Variants in CA10 observed in about 807,000 individuals in gnomAD.
CA10 encodes carbonic anhydrase-related protein 10.
In CA10, 14 loss-of-function variants were observed where a neutral mutation model predicts 44.2. That is an observed-to-expected ratio of 0.32 (90% CI 0.21 to 0.50). The LOEUF (loss-of-function observed/expected upper bound fraction) is 0.50. CA10 is among the 20% of genes least tolerant of loss of function. The pLI is 0.99. For missense variants in CA10, 350 were observed against 409.7 expected, an observed-to-expected ratio of 0.85 and a Z score of 1.26; for synonymous variants, 159 against 141.6, an observed-to-expected ratio of 1.12 and a Z score of -0.87.
intron 3 of CA10, among the ~76,000 whole-genome samples, chr17:51,929,498 C>T (rs936672533): frequency 2.0e-5 from 3 of 152,120 alleles, no homozygotes; most frequent in African/African-American, 7.2e-5. Flanking sequence ...TACCTTTCAG[C>T]TGCATTCTGG....
intron 3 of CA10, among the ~76,000 whole-genome samples, chr17:51,872,166 C>T (rs1979848261): frequency 6.6e-6 from 1 of 152,178 alleles, no homozygotes; most frequent in African/African-American, 2.4e-5. Context: ...TTCTGCAGTG[C>T]CTGTGCTCCC....
At chr17:51,751,629 G>A (rs928603104) in intron 3 of CA10, among the ~76,000 whole-genome samples, 1 of 152,142 alleles carries the variant, frequency 6.6e-6, no homozygotes, top group Non-Finnish European at 1.5e-5. Flanking sequence ...CCAGAGCCTG[G>A]TGGAATATAA....
chr17:51,911,612 G>T (rs1981793199), intron 3 of CA10, among the ~76,000 whole-genome samples: 1 of 152,136 alleles, frequency 6.6e-6, no homozygotes, highest in Non-Finnish European at 1.5e-5. Context: ...AAAAGAATGA[G>T]ACAGAATAGT....
chr17:51,870,366 A>G (rs1979746941), intron 3 of CA10, among the ~76,000 whole-genome samples: 1 of 152,228 alleles, frequency 6.6e-6, no homozygotes, highest in African/African-American at 2.4e-5. Context: ...TCACACTCTA[A>G]AGTGACTTGA....
At chr17:51,951,689 C>A (rs1163797933) in intron 2 of CA10, among the ~76,000 whole-genome samples, 3 of 152,164 alleles carry the variant, frequency 2.0e-5, no homozygotes, top group African/African-American at 7.2e-5. Flanking sequence ...ATTGGAAAAA[C>A]CAGATTATTT....
At chr17:52,096,322 A>G (rs1041853682) in intron 1 of CA10, among the ~76,000 whole-genome samples, 3 of 152,180 alleles carry the variant, frequency 2.0e-5, no homozygotes, top group Admixed American at 6.5e-5. Context: ...TGTCAGGAAG[A>G]AGGAGTCTCA....
intron 1 of CA10, chr17:52,135,167 A>C: frequency 2.8e-6 from 1 of 357,072 alleles, no homozygotes; most frequent in Non-Finnish European, 5.6e-6. Flanking sequence ...ATGAGAGGTC[A>C]GACATGCCTC....
chr17:51,902,887 A>G (rs1981380086), intron 3 of CA10, among the ~76,000 whole-genome samples: 1 of 152,154 alleles, frequency 6.6e-6, no homozygotes, highest in African/African-American at 2.4e-5. Context: ...TCAAATCTAG[A>G]AGTATAACAC....
chr17:52,134,940 G>A, intron 1 of CA10: 1 of 518,968 alleles, frequency 1.9e-6, no homozygotes. Flanking sequence ...ATCCTGAACG[G>A]CTCCTGATGC....
intron 4 of CA10, among the ~76,000 whole-genome samples, chr17:51,680,319 T>A (rs1024667993): frequency 6.6e-6 from 1 of 152,270 alleles, no homozygotes. Context: ...TGACTACAGA[T>A]CTCAGTGTCG....
rs185647830 is a variant in CA10 at position 52,143,288 on chromosome 17, A to G, written c.61+14438T>C. 2.6e-5 allele frequency among the ~76,000 whole-genome samples: 4 copies of G among 152,306 alleles called. No homozygotes were observed. In the East Asian group the frequency reaches 7.7e-4, roughly 29 times the overall value. The stretch of plus-strand genomic sequence containing the variant: ...TGAACACAAACCATATATTTATCTG[A>G]CATGAATTTTTGGCCACACACAATA... On this transcript the variant is annotated intron_variant, in intron 1 of 8. Transcript: ENST00000451037.
intron 2 of CA10, among the ~76,000 whole-genome samples, chr17:52,066,159 A>G (rs905476110): frequency 6.6e-6 from 1 of 152,212 alleles, no homozygotes; most frequent in Non-Finnish European, 1.5e-5. Context: ...GTAAATTGGT[A>G]TCACAGAGAA....
intron 3 of CA10, among the ~76,000 whole-genome samples, chr17:51,758,359 C>T (rs1905131090): frequency 6.6e-6 from 1 of 152,246 alleles, no homozygotes; most frequent in Non-Finnish European, 1.5e-5. Context: ...TGAAGCATCT[C>T]TTCAACTTGA....
chr17:52,072,587 TA>T (rs1473377455), intron 1 of CA10, among the ~76,000 whole-genome samples, 194 bp from the exon 2 acceptor site: 1 of 151,814 alleles, frequency 6.6e-6, no homozygotes, highest in Non-Finnish European at 1.5e-5. Flanking sequence ...AAAACATTTT[TA>T]TTGAAAGTTC....
At chr17:51,905,784 T>C (rs955323780) in intron 3 of CA10, among the ~76,000 whole-genome samples, 4 of 152,104 alleles carry the variant, frequency 2.6e-5, no homozygotes, top group Non-Finnish European at 5.9e-5. Flanking sequence ...CTAGCTATTT[T>C]ATTATCTGCC....
intron 2 of CA10, among the ~76,000 whole-genome samples, chr17:52,003,033 G>T (rs368019444): frequency 6.6e-6 from 1 of 151,916 alleles, no homozygotes; most frequent in Non-Finnish European, 1.5e-5. Context: ...CAGGAATGAG[G>T]TTTGCTGTCT....
At position 51,687,059 on chromosome 17, in the gene CA10, T is replaced by G. The variant is rs1186606835; in HGVS notation, c.466-33323A>C. Among the ~76,000 whole-genome samples, 3 of 152,326 alleles carry G rather than the reference T, an allele frequency of 2.0e-5. No individual in the cohort carries two copies. In the East Asian group the frequency reaches 5.8e-4, roughly 29 times the overall value. Reference sequence around the variant, plus strand: ...CACACCCCTATTTAAAAACCTCCAGTGGCTTCTATCCCATGTCGTATAAAA... The same window carrying G: ...CACACCCCTATTTAAAAACCTCCAGGGGCTTCTATCCCATGTCGTATAAAA... On this transcript the variant is annotated intron_variant, in intron 4 of 8. Coordinates refer to ENST00000451037, the MANE Select transcript of CA10 (RefSeq NM_020178.5).
intron 1 of CA10, among the ~76,000 whole-genome samples, chr17:52,143,211 T>C (rs757999718): frequency 6.6e-6 from 1 of 152,204 alleles, no homozygotes; most frequent in Non-Finnish European, 1.5e-5. Context: ...CATCTATGTA[T>C]ATAATTATTT....
intron 2 of CA10, among the ~76,000 whole-genome samples, chr17:51,938,244 A>G (rs1023489962): frequency 4.6e-5 from 7 of 152,150 alleles, no homozygotes; most frequent in Non-Finnish European, 7.4e-5. Flanking sequence ...TTGGCTCTAT[A>G]ATAAGGATTT....
Sources: gnomAD v4.1 joint callset for allele counts (sites outside exome capture counted in the v4.1 genomes callset) on GRCh38, gnomAD v4.1.1 for gene constraint, MANE v1.5 for transcripts, NCBI Gene and HGNC (gene_info 2026-07-23, HGNC 2026-07-21) for gene names.